DNAI3: variants seen among roughly 807,000 people sequenced by gnomAD.
DNAI3 encodes the protein dynein axonemal intermediate chain 3, also known as WD repeat domain 63.
Under a neutral mutation model 115.5 loss-of-function variants are expected in DNAI3, and 83 were observed. The observed-to-expected ratio is 0.72, with a 90% CI of 0.60 to 0.86. The LOEUF (loss-of-function observed/expected upper bound fraction) is 0.86. Among genes scored for constraint, DNAI3 ranks in the 40% least tolerant of loss-of-function variants. The pLI is 0.00. For synonymous variants in DNAI3, 320 were observed against 347.0 expected (o/e 0.92, Z 0.86); for missense variants, 1,004 against 1,075.8 (o/e 0.93, Z 0.93).
At chr1:85,084,361 T>A (rs1279380198) in intron 5 of DNAI3, among the ~76,000 whole-genome samples, 185 bp from the exon 6 acceptor site, 1 of 149,008 alleles carries the variant, frequency 6.7e-6, no homozygotes, top group East Asian at 1.9e-4. Flanking sequence ...ATACCTCTTT[T>A]TTCTTTTTCC....
rs1654791579 is a variant in DNAI3, at chr1:85,086,017, A to G, written c.727A>G (p.Thr243Ala). 6.2e-7 allele frequency: 1 copy of G among 1,613,996 alleles called. No homozygotes were observed. Among genetic ancestry groups the G allele is most frequent in the Admixed American group, 1.7e-5 (1 of 60,000 alleles). The change falls in exon 7 of 23, where the codon ACT (threonine) becomes GCT (alanine). Residue 243 changes from threonine to alanine, a missense_variant. This residue lies in a region of DNAI3 where 550 missense variants were observed against 568.1 expected (regional missense o/e 0.97). Transcript: ENST00000294664. ...QVIPQIKDISTQTKWTYPKNA... is the reference protein window; with the variant it reads ...QVIPQIKDISAQTKWTYPKNA... ...AATCCCCCAAATAAAGGACATAAGC[A>G]CTCAGACAAAATGGTAAGTATGTGA...
At chr1:85,104,321 C>T (rs1655421580) in intron 13 of DNAI3, among the ~76,000 whole-genome samples, 2 of 152,048 alleles carry the variant, frequency 1.3e-5, no homozygotes, top group Non-Finnish European at 2.9e-5. Context: ...AGGCTTTCAC[C>T]GTGTTAGCCA....
At chr1:85,116,552 A>G (rs532183327) in intron 16 of DNAI3, among the ~76,000 whole-genome samples, 54 of 152,334 alleles carry the variant, frequency 3.5e-4, no homozygotes, top group African/African-American at 1.2e-3. Flanking sequence ...ATTTGTGTAC[A>G]TGATTTAAAA....
chr1:85,102,916 C>T (rs1655367970), intron 13 of DNAI3, among the ~76,000 whole-genome samples: 1 of 152,026 alleles, frequency 6.6e-6, no homozygotes, highest in African/African-American at 2.4e-5. Flanking sequence ...AACATAAAAC[C>T]TCAGAGCAAG....
chr1:85,074,211 G>A (rs1003491557), intron 3 of DNAI3, among the ~76,000 whole-genome samples: 11 of 152,048 alleles, frequency 7.2e-5, no homozygotes, highest in Non-Finnish European at 7.4e-5. Flanking sequence ...TCCTCACATC[G>A]GTTAGTTCCC....
At chr1:85,127,266 C>T (rs750071380) in intron 20 of DNAI3, among the ~76,000 whole-genome samples, 4 of 152,176 alleles carry the variant, frequency 2.6e-5, no homozygotes, top group African/African-American at 4.8e-5. Flanking sequence ...TTTGAACCAA[C>T]TATGAGGAAA....
At chr1:85,117,512 G>A (rs1034615201) in intron 16 of DNAI3, among the ~76,000 whole-genome samples, 9 of 152,216 alleles carry the variant, frequency 5.9e-5, no homozygotes, top group African/African-American at 2.2e-4. Context: ...GGTATAGCTA[G>A]AGCTATAATA....
chr1:85,120,682 G>A (rs998624480), intron 17 of DNAI3, among the ~76,000 whole-genome samples: 1 of 152,146 alleles, frequency 6.6e-6, no homozygotes, highest in African/African-American at 2.4e-5. Context: ...CTCAAGAAGT[G>A]GTATCCGTGA....
chr1:85,108,872 C>A (rs1655573990), intron 15 of DNAI3, among the ~76,000 whole-genome samples: 2 of 152,210 alleles, frequency 1.3e-5, no homozygotes, highest in Non-Finnish European at 2.9e-5. Flanking sequence ...AAACAAGCCA[C>A]AATTTCCAAA....
At chr1:85,131,066 T>C (rs817476) in intron 22 of DNAI3, among the ~76,000 whole-genome samples, 31,735 of 152,124 alleles carry the variant, frequency 0.21, 3,614 homozygotes, top group African/African-American at 0.31. Flanking sequence ...CAGCATTTCA[T>C]CATTGATCTC....
intron 16 of DNAI3, among the ~76,000 whole-genome samples, chr1:85,116,141 T>C (rs575535485): frequency 6.6e-6 from 1 of 152,364 alleles, no homozygotes; most frequent in South Asian, 2.1e-4. Flanking sequence ...ACTTTCCTCA[T>C]TGGTAACACA....
At chr1:85,067,233 G>C (rs749511688) in intron 1 of DNAI3, among the ~76,000 whole-genome samples, 1 of 152,192 alleles carries the variant, frequency 6.6e-6, no homozygotes, top group Non-Finnish European at 1.5e-5. Context: ...AAAGCCTTTA[G>C]AACAACCTGG....
chr1:85,083,046 A>G (rs1349921384), intron 5 of DNAI3, among the ~76,000 whole-genome samples: 2 of 152,184 alleles, frequency 1.3e-5, no homozygotes, highest in Non-Finnish European at 2.9e-5. Context: ...AAGGTAACAG[A>G]TGTATGAGAC....
intron 3 of DNAI3, among the ~76,000 whole-genome samples, chr1:85,079,274 G>C (rs994168218): frequency 3.9e-5 from 6 of 152,222 alleles, no homozygotes; most frequent in Admixed American, 3.3e-4. Context: ...GGAGATAAAA[G>C]TGTATAATTT....
In DNAI3 at chr1:85,108,022, A is replaced by ACTT. The variant is rs11427716; in HGVS notation, c.1554-11_1554-10insCTT. ...TGTACTTAATAAAAAATATATATAAATTTTTTTTAGCACAATATGTTTTTG... is the reference window on the plus strand; with the variant it reads ...TGTACTTAATAAAAAATATATATAAACTTTTTTTTTTAGCACAATATGTTTTTG... On this transcript the variant is annotated splice_polypyrimidine_tract_variant and intron_variant, in intron 14 of 22. Coordinates refer to ENST00000294664, the MANE Select transcript of DNAI3 (RefSeq NM_145172.5). 1 of 1,504,802 alleles carries ACTT rather than the reference A, an allele frequency of 6.6e-7. No homozygotes were observed. Among genetic ancestry groups the ACTT allele is most frequent in the Non-Finnish European group, 8.8e-7 (1 of 1,131,156 alleles). The allele number at this position is 1,504,802 out of a possible 1,614,324, so 93.2% of individuals were successfully genotyped here.
intron 16 of DNAI3, among the ~76,000 whole-genome samples, chr1:85,112,184 C>T (rs1314620257): frequency 6.6e-6 from 1 of 152,026 alleles, no homozygotes; most frequent in Non-Finnish European, 1.5e-5. Context: ...CCTGAGTAGC[C>T]AGGACTACAA....
chr1:85,101,727 CAAAAAAAAA>C (rs72166976), intron 13 of DNAI3, among the ~76,000 whole-genome samples: 1 of 14,440 alleles, frequency 6.9e-5, no homozygotes, highest in Admixed American at 1.4e-3. Context: ...GACTCCATCT[CAAAAAAAAA>C]AAAAAAAAAA....
intron 17 of DNAI3, among the ~76,000 whole-genome samples, chr1:85,121,185 C>T (rs1161569816): frequency 3.9e-5 from 6 of 152,132 alleles, no homozygotes. Context: ...CTGTTTCTTC[C>T]TCTTCTTACA....
At chr1:85,101,058 C>T (rs1655292549) in intron 13 of DNAI3, among the ~76,000 whole-genome samples, 1 of 151,446 alleles carries the variant, frequency 6.6e-6, no homozygotes. Context: ...ACCAACATGG[C>T]ACATGTATAC....
Sources: gnomAD v4.1 joint callset for allele counts (sites outside exome capture counted in the v4.1 genomes callset) on GRCh38, gnomAD v4.1.1 for gene constraint, gnomAD v4.1.1 regional missense constraint, MANE v1.5 for transcripts, NCBI Gene and HGNC (gene_info 2026-07-23, HGNC 2026-07-21) for gene names.